Variants in ERBB4 observed in about 807,000 individuals in gnomAD.
ERBB4 encodes the protein receptor tyrosine-protein kinase erbB-4.
A neutral mutation model predicts 158.0 loss-of-function variants in ERBB4; 42 were observed. The observed-to-expected ratio is 0.27, with a 90% confidence interval of 0.21 to 0.34. The LOEUF (loss-of-function observed/expected upper bound fraction) is 0.34. Ranked by LOEUF, ERBB4 falls within the 10% of genes least tolerant of loss-of-function variation. The pLI, the probability that ERBB4 is intolerant of heterozygous loss-of-function variation, is 1.00. For missense variants in ERBB4, 1,333 were observed against 1,624.1 expected (o/e 0.82, Z 3.08); for synonymous variants, 583 against 558.7 (o/e 1.04, Z -0.61).
intron 4 of ERBB4, among the ~76,000 whole-genome samples, chr2:211,778,015 G>A (rs566939020): frequency 6.6e-6 from 1 of 152,128 alleles, no homozygotes; most frequent in Non-Finnish European, 1.5e-5. Flanking sequence ...TTACTAGACT[G>A]GTGGAATTCA....
chr2:212,487,782 G>T (rs146095872), intron 1 of ERBB4, among the ~76,000 whole-genome samples: 3,097 of 152,236 alleles, frequency 0.02, 43 homozygotes, highest in Non-Finnish European at 0.031. Context: ...ATTGAGCTTA[G>T]CCTACCTTAT....
At chr2:211,880,687 T>C (rs1191392096) in intron 3 of ERBB4, among the ~76,000 whole-genome samples, 1 of 152,138 alleles carries the variant, frequency 6.6e-6, no homozygotes, top group Non-Finnish European at 1.5e-5. Context: ...GCAACATGAA[T>C]CTTGCTAAAA....
At chr2:211,763,967 A>G (rs1313866078) in intron 4 of ERBB4, among the ~76,000 whole-genome samples, 1 of 152,098 alleles carries the variant, frequency 6.6e-6, no homozygotes, top group African/African-American at 2.4e-5. Flanking sequence ...AAATTAACAA[A>G]TAGGCACATT....
intron 13 of ERBB4, among the ~76,000 whole-genome samples, chr2:211,674,606 A>G (rs1202298909): frequency 2.6e-5 from 4 of 152,170 alleles, no homozygotes; most frequent in African/African-American, 9.6e-5. Flanking sequence ...TAAAATCACA[A>G]TTACATAAAG....
intron 2 of ERBB4, among the ~76,000 whole-genome samples, chr2:211,988,006 A>G (rs186251500): frequency 1.8e-4 from 27 of 152,320 alleles, no homozygotes; most frequent in Admixed American, 2.6e-4. Context: ...TCTGGTATTT[A>G]TAACTTTTAA....
intron 3 of ERBB4, among the ~76,000 whole-genome samples, chr2:211,817,595 C>T (rs2076906354): frequency 6.6e-6 from 1 of 152,112 alleles, no homozygotes; most frequent in Non-Finnish European, 1.5e-5. Flanking sequence ...CTTGTCCCTC[C>T]CTGTCTTCTA....
At chr2:212,129,707 A>G (rs1232771759) in intron 1 of ERBB4, among the ~76,000 whole-genome samples, 2 of 152,004 alleles carry the variant, frequency 1.3e-5, no homozygotes, top group African/African-American at 4.8e-5. Flanking sequence ...GAAAATTTGA[A>G]TAAGTATGTT....
At chr2:212,395,323 G>C (rs533536745) in intron 1 of ERBB4, among the ~76,000 whole-genome samples, 93 of 151,898 alleles carry the variant, frequency 6.1e-4, no homozygotes, top group African/African-American at 2.1e-3. Flanking sequence ...GAATAGGGAG[G>C]AACATAAAGC....
At chr2:212,111,089 G>A (rs1347329116) in intron 2 of ERBB4, among the ~76,000 whole-genome samples, 2 of 152,104 alleles carry the variant, frequency 1.3e-5, no homozygotes, top group Non-Finnish European at 2.9e-5. Context: ...GGTATCTTTG[G>A]CAACAATGCT....
intron 20 of ERBB4, among the ~76,000 whole-genome samples, chr2:211,533,389 AT>A (rs1330734605): frequency 6.6e-6 from 1 of 151,994 alleles, no homozygotes; most frequent in East Asian, 1.9e-4. Flanking sequence ...TCACTTTATC[AT>A]TATTCTTAAG....
chr2:211,422,171 GT>G (rs941294322), intron 23 of ERBB4, 67 bp from the exon 24 acceptor site: 30 of 1,025,694 alleles, frequency 2.9e-5, no homozygotes, highest in South Asian at 1.9e-4. Flanking sequence ...TTTAAATTTT[GT>G]GAAAATATGA....
At chr2:212,120,925 T>C (rs967741314) in intron 2 of ERBB4, among the ~76,000 whole-genome samples, 1 of 152,220 alleles carries the variant, frequency 6.6e-6, no homozygotes, top group African/African-American at 2.4e-5. Flanking sequence ...ATATTTTCTT[T>C]ACATGGACTC....
At chr2:211,415,847 A>ATATC (rs896966643) in intron 25 of ERBB4, among the ~76,000 whole-genome samples, 66 of 152,180 alleles carry the variant, frequency 4.3e-4, no homozygotes, top group African/African-American at 1.5e-3. Context: ...GTTTATTTAT[A>ATATC]TATCTATTCT....
In ERBB4 at chr2:211,702,023, AAG is replaced by A. The variant is rs1294412771; in HGVS notation, c.1431_1432del (p.Phe478GlnfsTer16). 6.2e-7 allele frequency: 1 copy of A among 1,613,870 alleles called. No individual in the cohort carries two copies. The highest frequency in any genetic ancestry group is 8.5e-7 in the Non-Finnish European group (1 of 1,179,944). ...TACTATTCTCTGGTTGATTGTGCTGAAGAGTGTTGTCCAGTTAATGGTATGAT... is the reference window on the plus strand; with the variant it reads ...TACTATTCTCTGGTTGATTGTGCTGAAGTGTTGTCCAGTTAATGGTATGAT... On this transcript the variant is annotated frameshift_variant, in exon 12 of 28. Transcript: ENST00000342788. LOFTEE classifies it high-confidence loss of function.
intron 3 of ERBB4, among the ~76,000 whole-genome samples, chr2:211,882,289 G>A (rs1380471413): frequency 1.3e-5 from 2 of 152,082 alleles, no homozygotes; most frequent in Non-Finnish European, 2.9e-5. Flanking sequence ...CAGGACCCTC[G>A]GTTCTTTAGG....
chr2:211,496,961 GT>G (rs1559227570), intron 20 of ERBB4, among the ~76,000 whole-genome samples: 1 of 151,852 alleles, frequency 6.6e-6, no homozygotes, highest in Non-Finnish European at 1.5e-5. Context: ...TATGTTTATG[GT>G]TTGTCTCCTA....
chr2:211,835,372 C>G (rs9288442), intron 3 of ERBB4, among the ~76,000 whole-genome samples: 36,931 of 110,470 alleles, frequency 0.33, 5,432 homozygotes, highest in East Asian at 0.54. Flanking sequence ...CACAAGGACT[C>G]TCTACATAAA....
chr2:211,990,001 A>G (rs2082031533), intron 2 of ERBB4, among the ~76,000 whole-genome samples: 1 of 151,930 alleles, frequency 6.6e-6, no homozygotes, highest in South Asian at 2.1e-4. Flanking sequence ...AATATCCACA[A>G]GCAAAAATAA....
At chr2:212,344,733 T>G (rs2088898887) in intron 1 of ERBB4, among the ~76,000 whole-genome samples, 1 of 152,156 alleles carries the variant, frequency 6.6e-6, no homozygotes, top group Non-Finnish European at 1.5e-5. Context: ...ATCATTTAAT[T>G]TATTGTCTCA....
Sources: allele counts gnomAD v4.1 joint callset (sites outside exome capture counted in the v4.1 genomes callset), GRCh38; gene constraint gnomAD v4.1.1; transcripts MANE v1.5; gene names NCBI Gene and HGNC (gene_info 2026-07-23, HGNC 2026-07-21).